SORBS2: variants seen among roughly 807,000 people sequenced by gnomAD.
SORBS2 encodes sorbin and SH3 domain containing 2.
Under a neutral mutation model 97.7 loss-of-function variants are expected in SORBS2, and 46 were observed. That is an observed-to-expected ratio of 0.47 (90% CI 0.37 to 0.60). The LOEUF (loss-of-function observed/expected upper bound fraction) is 0.60, where lower values mean the gene tolerates loss of function less well. SORBS2 is among the 20% of genes least tolerant of loss of function. SORBS2 has a pLI of 0.00. For synonymous variants in SORBS2, 476 were observed against 473.4 expected (o/e 1.01, Z -0.07); for missense variants, 1,316 against 1,282.3 (o/e 1.03, Z -0.40).
intron 2 of SORBS2, among the ~76,000 whole-genome samples, chr4:185,714,995 ATAAGTTAAAGGCTTG>A (rs1269798437): frequency 1.1e-4 from 16 of 152,268 alleles, no homozygotes; most frequent in Non-Finnish European, 2.4e-4. Flanking sequence ...GTTTTGGGTT[ATAAGTTAAAGGCTTG>A]TAAATCATTA....
intron 1 of SORBS2, among the ~76,000 whole-genome samples, chr4:185,656,206 T>A (rs2097397836): frequency 6.6e-6 from 1 of 152,240 alleles, no homozygotes; most frequent in Non-Finnish European, 1.5e-5. Context: ...TGTTAGAATG[T>A]CATATCACAT....
intron 4 of SORBS2, among the ~76,000 whole-genome samples, chr4:185,637,569 G>T (rs933466588): frequency 1.3e-5 from 2 of 152,090 alleles, no homozygotes; most frequent in African/African-American, 2.4e-5. Context: ...TTCTTACTCT[G>T]CCATTTACTA....
intron 1 of SORBS2, 26 bp from the exon 1 acceptor site, chr4:185,812,220 T>G (rs2099187848): frequency 6.6e-6 from 1 of 152,216 alleles, no homozygotes; most frequent in African/African-American, 2.4e-5. Flanking sequence ...ATAAGTAAAA[T>G]GGCTGGTCCT....
At chr4:185,881,851 A>G (rs2099237073) in intron 1 of SORBS2, among the ~76,000 whole-genome samples, 2 of 152,174 alleles carry the variant, frequency 1.3e-5, no homozygotes, top group Admixed American at 1.3e-4. Context: ...GAAGTATAAA[A>G]TTGTTAATGT....
At chr4:185,586,255 C>T (rs10031753) in exon 15 of SORBS2, 17,231 of 152,670 alleles carry the variant, frequency 0.11, 1,060 homozygotes, top group East Asian at 0.18. Flanking sequence ...AGCTAGTTTT[C>T]GGAGCAGGTG....
intron 1 of SORBS2, among the ~76,000 whole-genome samples, chr4:185,943,104 G>T (rs2099272911): frequency 6.6e-6 from 1 of 152,210 alleles, no homozygotes; most frequent in South Asian, 2.1e-4. Flanking sequence ...TGATGAAACA[G>T]ATTTGGATTA....
chr4:185,759,616 T>G (rs373199845), intron 2 of SORBS2, among the ~76,000 whole-genome samples: 16 of 11,590 alleles, frequency 1.4e-3, no homozygotes, highest in Admixed American at 8.6e-3. Context: ...ATTGAAAGGG[T>G]TTTTTTTTTT....
chr4:185,721,672 T>C (rs1417438234), intron 2 of SORBS2, among the ~76,000 whole-genome samples: 1 of 152,196 alleles, frequency 6.6e-6, no homozygotes, highest in Non-Finnish European at 1.5e-5. Flanking sequence ...TATTTTACTG[T>C]AAAGTGGAAG....
At chr4:185,748,471 G>A (rs947596511) in intron 2 of SORBS2, among the ~76,000 whole-genome samples, 1 of 152,118 alleles carries the variant, frequency 6.6e-6, no homozygotes, top group African/African-American at 2.4e-5. Flanking sequence ...TGGGAAGTAG[G>A]GCTCTGAAAT....
At chr4:185,825,846 T>C (rs975678169) in intron 1 of SORBS2, among the ~76,000 whole-genome samples, 1 of 152,124 alleles carries the variant, frequency 6.6e-6, no homozygotes. Flanking sequence ...CTAAGTCCAC[T>C]GTGAAGAAAA....
At chr4:185,761,093 A>G (rs946198624) in intron 2 of SORBS2, among the ~76,000 whole-genome samples, 6 of 152,236 alleles carry the variant, frequency 3.9e-5, no homozygotes, top group African/African-American at 1.2e-4. Flanking sequence ...TTCAAAGTGA[A>G]GAAGAAAACT....
intron 2 of SORBS2, among the ~76,000 whole-genome samples, chr4:185,711,885 C>T (rs73873327): frequency 0.036 from 5,459 of 152,108 alleles, 318 homozygotes; most frequent in African/African-American, 0.12. Context: ...CCGTGCTCCC[C>T]GCCACCTATC....
chr4:185,672,952 A>G (rs2153490222), intron 4 of SORBS2, among the ~76,000 whole-genome samples: 1 of 152,336 alleles, frequency 6.6e-6, no homozygotes, highest in East Asian at 1.9e-4. Flanking sequence ...AATCATCAAG[A>G]TGTAGAAACA....
At chr4:185,613,223 A>G (rs2096569397) in intron 11 of SORBS2, among the ~76,000 whole-genome samples, 2 of 152,178 alleles carry the variant, frequency 1.3e-5, no homozygotes, top group African/African-American at 4.8e-5. Flanking sequence ...TCAGCCCAAC[A>G]GGGCACCCTT....
At chr4:185,917,832 A>C (rs1302087931) in intron 1 of SORBS2, among the ~76,000 whole-genome samples, 2 of 152,094 alleles carry the variant, frequency 1.3e-5, no homozygotes, top group African/African-American at 4.8e-5. Context: ...CCTCCCTGAC[A>C]TTTGGTCACT....
upstream of SORBS2, chr4:185,657,207 G>T: frequency 2.3e-6 from 1 of 427,770 alleles, no homozygotes; most frequent in South Asian, 6.6e-5. Context: ...CAATGTTCAT[G>T]ATGTTTCATT....
chr4:185,682,310 A>C (rs10017388), intron 2 of SORBS2, among the ~76,000 whole-genome samples: 15,195 of 152,292 alleles, frequency 0.1, 840 homozygotes, highest in African/African-American at 0.14. Flanking sequence ...CTTTAGGCTG[A>C]CAAGGGGTTT....
chr4:185,931,450 A>G lies in SORBS2; in HGVS notation c.-338+24746T>C, dbSNP rs142778735. Among the ~76,000 whole-genome samples the G allele has an allele frequency of 2.1e-3, 320 of 152,360 alleles. 2 individuals carry two copies. The highest frequency in any genetic ancestry group is 7.5e-3 in the African/African-American group (312 of 41,588). On this transcript the variant is annotated intron_variant, in intron 1 of 20. Coordinates refer to the SORBS2 transcript ENST00000284776. ...GGAAGAGTGACTGAGCTCAACTCCA[A>G]CTACAAGGACGAGCGGAGACTGATG...
chr4:185,839,230 A>G (rs1434819452), intron 1 of SORBS2, among the ~76,000 whole-genome samples: 1 of 152,236 alleles, frequency 6.6e-6, no homozygotes, highest in Non-Finnish European at 1.5e-5. Flanking sequence ...CACTCGGGGT[A>G]ACTTGGATAC....
Sources: gnomAD v4.1 joint callset for allele counts (sites outside exome capture counted in the v4.1 genomes callset) on GRCh38, gnomAD v4.1.1 for gene constraint, MANE v1.5 for transcripts, NCBI Gene and HGNC (gene_info 2026-07-23, HGNC 2026-07-21) for gene names.